Variants in USP39 observed in about 807,000 individuals in gnomAD.
The protein encoded by USP39 is ubiquitin carboxyl-terminal hydrolase 39.
Under a neutral mutation model 66.4 loss-of-function variants are expected in USP39, and 38 were observed. The observed-to-expected ratio is 0.57, with a 90% CI of 0.44 to 0.75. The LOEUF (loss-of-function observed/expected upper bound fraction) is 0.75. Ranked by LOEUF, USP39 falls within the 30% of genes least tolerant of loss-of-function variation. The pLI is 0.00. For synonymous variants in USP39, 303 were observed against 274.6 expected, an observed-to-expected ratio of 1.10 and a Z score of -1.02; for missense variants, 608 against 714.4, an observed-to-expected ratio of 0.85 and a Z score of 1.70.
chr2:85,628,857 A>T (rs1308083393), intron 5 of USP39, among the ~76,000 whole-genome samples: 1 of 151,950 alleles, frequency 6.6e-6, no homozygotes. Flanking sequence ...CTCTGTGGTT[A>T]AAGTGCTCTC....
Position 85,625,710 on chromosome 2 carries a change from C to A in USP39, c.723+19C>A, listed in dbSNP as rs1472030990. 1 of 1,607,104 alleles carries A rather than the reference C, an allele frequency of 6.2e-7. No homozygotes were observed. Among genetic ancestry groups the A allele is most frequent in the South Asian group, 1.1e-5 (1 of 90,910 alleles). ...CCTTCAGGTAAGATCAAGACGGGAA[C>A]ATTGAGGAAGAGAAGGACACCCAGA... On this transcript the variant is annotated intron_variant, in intron 5 of 12. Coordinates refer to ENST00000323701, the MANE Select transcript of USP39 (RefSeq NM_006590.4).
intron 7 of USP39, among the ~76,000 whole-genome samples, chr2:85,636,566 C>T (rs564831223): frequency 5.9e-5 from 9 of 152,220 alleles, no homozygotes; most frequent in Non-Finnish European, 7.4e-5. Context: ...TGCAGTGGCA[C>T]GGTCTCAGCT....
chr2:85,611,225 T>A (rs980091774), upstream of USP39: 22 of 1,285,548 alleles, frequency 1.7e-5, no homozygotes, highest in African/African-American at 9.4e-5. Flanking sequence ...AAAAACATTT[T>A]AAAAAAAGTA....
At chr2:85,631,005 T>C (rs1675282318) in intron 6 of USP39, 59 bp downstream of exon 6, 4 of 1,558,612 alleles carry the variant, frequency 2.6e-6, no homozygotes, top group Admixed American at 3.7e-5. Context: ...ACAAATTTAT[T>C]TCCACTTGGC....
chr2:85,630,832 G>A lies in USP39; in HGVS notation c.835G>A (p.Glu279Lys), dbSNP rs1675266042. Residue 279 changes from glutamate (E) to lysine (K), a missense_variant, in exon 6 of 13, where the codon GAG (glutamate) becomes AAG (lysine). Coordinates refer to ENST00000323701, the MANE Select transcript of USP39 (RefSeq NM_006590.4). ...GTTCTTGTTGGTCCAGCGTTTTGGAGAGCTGATGAGAAAGCTCTGGAACCC... is the reference window on the plus strand; with the variant it reads ...GTTCTTGTTGGTCCAGCGTTTTGGAAAGCTGATGAGAAAGCTCTGGAACCC... ...IMFLLVQRFG[E>K]LMRKLWNPRN... The A allele has an allele frequency of 6.2e-7, 1 of 1,614,066 alleles. No individual in the cohort carries two copies. The highest frequency in any genetic ancestry group is 8.5e-7 in the Non-Finnish European group (1 of 1,180,048).
At position 85,639,206 on chromosome 2, in the gene USP39, G is replaced by T. The variant is rs115043522; in HGVS notation, c.1099G>T (p.Ala367Ser). 46 of 1,611,672 alleles carry T rather than the reference G, an allele frequency of 2.9e-5. No homozygotes were observed. In the African/African-American group the frequency reaches 5.7e-4, roughly 20 times the overall value. The change falls in exon 9 of 13, where the codon GCA (alanine) becomes TCA (serine). Residue 367 changes from alanine to serine, a missense_variant. Transcript: ENST00000323701. ...TTTTCTTCTCATTCATTTCTAGCCA[G>T]CAGAAGAAAAAGAGCAGTTGCTCCA... Reference protein sequence around the residue: ...TKKLPHPDLPAEEKEQLLHND... With the variant: ...TKKLPHPDLPSEEKEQLLHND...
chr2:85,644,901 T>C, intron 10 of USP39, 47 bp from the exon 11 acceptor site: 3 of 1,610,004 alleles, frequency 1.9e-6, no homozygotes, highest in Non-Finnish European at 2.5e-6. Context: ...TTCCTTAACC[T>C]CACAGCCTTT....
In USP39 at chr2:85,630,204, G is replaced by A. The variant is rs367654905; in HGVS notation, c.724-517G>A. Among the ~76,000 whole-genome samples, 8 of 151,338 alleles carry A rather than the reference G, an allele frequency of 5.3e-5. No homozygotes were observed. In the East Asian group the frequency reaches 5.8e-4, roughly 11 times the overall value. Reference sequence around the variant, plus strand: ...CACAGCTCCCTATATTTACTTTTATGTACAATTATATGGTTTTAGTATGGG... The same window carrying A: ...CACAGCTCCCTATATTTACTTTTATATACAATTATATGGTTTTAGTATGGG... On this transcript the variant is annotated intron_variant, in intron 5 of 12. Transcript: ENST00000323701.
At chr2:85,620,999 T>C (rs1035779267) in intron 2 of USP39, among the ~76,000 whole-genome samples, 2 of 152,186 alleles carry the variant, frequency 1.3e-5, no homozygotes, top group Non-Finnish European at 2.9e-5. Flanking sequence ...TTAATTATTA[T>C]TATTATTTGT....
upstream of USP39, chr2:85,611,994 G>C (rs1439656302): frequency 1.3e-6 from 2 of 1,515,484 alleles, no homozygotes; most frequent in South Asian, 1.2e-5. Flanking sequence ...TCAGGAGCCG[G>C]GGACGCAGAG....
At chr2:85,624,556 A>G (rs932338522) in intron 4 of USP39, among the ~76,000 whole-genome samples, 2 of 152,130 alleles carry the variant, frequency 1.3e-5, no homozygotes, top group African/African-American at 4.8e-5. Flanking sequence ...TGCATTGCCT[A>G]AGTTGTTCAT....
rs567087741 is a variant in USP39 at position 85,636,260 on chromosome 2, G to A, written c.1027+130G>A. On this transcript the variant is annotated intron_variant, in intron 7 of 12. Transcript: ENST00000323701. ...AGGTGGGTGGATTACCTGAGGTCAG[G>A]AGTTTGAGACCGGCCTGGCCAACAT... 1.9e-4 allele frequency: 155 copies of A among 829,700 alleles called. 1 individual carries two copies. In the Middle Eastern group the frequency reaches 2.3e-3, roughly 12 times the overall value. The allele number at this position is 829,700 out of a possible 1,614,324, so 51.4% of individuals were successfully genotyped here.
In USP39 at chr2:85,630,703, G is replaced by C. The variant is rs754583138; in HGVS notation, c.724-18G>C. The C allele has an allele frequency of 2.7e-5, 43 of 1,611,474 alleles. No homozygotes were observed. In the East Asian group the frequency reaches 9.4e-4, roughly 35 times the overall value. ...CCTACAAAGGGGCTTTGGGTTAATC[G>C]GAGTGTTTGATTTTTAGGCTCTATC... On this transcript the variant is annotated intron_variant, in intron 5 of 12. Coordinates refer to ENST00000323701, the MANE Select transcript of USP39 (RefSeq NM_006590.4).
intron 6 of USP39, among the ~76,000 whole-genome samples, chr2:85,632,772 A>G (rs1422167971): frequency 1.3e-5 from 2 of 152,062 alleles, no homozygotes; most frequent in East Asian, 3.9e-4. Flanking sequence ...AAGAAAAGGT[A>G]ATTACAGGTG....
intron 3 of USP39, 25 bp downstream of exon 3, chr2:85,621,604 G>A: frequency 6.3e-7 from 1 of 1,585,908 alleles, no homozygotes; most frequent in Non-Finnish European, 8.6e-7. Context: ...AGAGCTAACT[G>A]CAGATCTGCT....
chr2:85,612,579 C>T (rs971693889), upstream of USP39, among the ~76,000 whole-genome samples: 2 of 152,184 alleles, frequency 1.3e-5, no homozygotes, highest in African/African-American at 4.8e-5. Context: ...CTCACGGCGC[C>T]GATGGCTTAA....
At chr2:85,628,284 T>C (rs1042425783) in intron 5 of USP39, among the ~76,000 whole-genome samples, 1 of 152,144 alleles carries the variant, frequency 6.6e-6, no homozygotes, top group Admixed American at 6.6e-5. Context: ...TAGCTGGGAC[T>C]ACAGGTGCGT....
chr2:85,641,077 C>T lies in USP39; in HGVS notation c.1386C>T (p.Phe462=), dbSNP rs755902663. 3.7e-6 allele frequency: 6 copies of T among 1,613,448 alleles called. No individual in the cohort carries two copies. In the South Asian group the frequency reaches 4.4e-5, roughly 12 times the overall value. The change falls in exon 10 of 13, where the codon TTC becomes TTT. Residue 462 remains phenylalanine, a synonymous_variant. Transcript: ENST00000323701. ...TCAAGAGATTCACTAAGAACAACTT[C>T]TTTGTTGAGAAGAATCCAACTATTG... ...FCIKRFTKNN[F]FVEKNPTIVN...
chr2:85,632,160 A>G (rs1434621876), intron 6 of USP39, among the ~76,000 whole-genome samples: 1 of 152,132 alleles, frequency 6.6e-6, no homozygotes, highest in Non-Finnish European at 1.5e-5. Flanking sequence ...TAGCATCTGT[A>G]TTAGTTTATT....
Sources: gnomAD v4.1 joint callset for allele counts (sites outside exome capture counted in the v4.1 genomes callset) on GRCh38, gnomAD v4.1.1 for gene constraint, MANE v1.5 for transcripts, NCBI Gene and HGNC (gene_info 2026-07-23, HGNC 2026-07-21) for gene names.